Variants in SPAG16 observed in about 807,000 individuals in gnomAD.
SPAG16 encodes the protein sperm associated antigen 16, also known as sperm-associated antigen 16 protein.
SPAG16 carries 86 observed loss-of-function variants against 80.4 expected under a neutral mutation model. That is an observed-to-expected ratio of 1.07 (90% CI 0.90 to 1.28). SPAG16 has a LOEUF of 1.28. Ranked by LOEUF, SPAG16 falls within the 50% of genes most tolerant of loss-of-function variation. The pLI, the probability that SPAG16 is intolerant of heterozygous loss-of-function variation, is 0.00. For synonymous variants in SPAG16, 294 were observed against 265.9 expected, an observed-to-expected ratio of 1.11 and a Z score of -1.03; for missense variants, 870 against 765.3, an observed-to-expected ratio of 1.14 and a Z score of -1.61.
At position 213,797,195 on chromosome 2, in the gene SPAG16, A is replaced by G. The variant is rs116811054; in HGVS notation, c.1071-65290A>G. On this transcript the variant is annotated intron_variant, in intron 10 of 15. Transcript: ENST00000331683. ...TAAAAAATTAAACAGTTTATAAAGT[A>G]AAAATGTTACAGTAAGCTAAGGTTA... 8.9e-3 allele frequency among the ~76,000 whole-genome samples: 1,355 copies of G among 152,318 alleles called. 18 individuals carry two copies. The highest frequency in any genetic ancestry group is 0.031 in the African/African-American group (1,300 of 41,560).
At chr2:213,436,196 C>T (rs1042647837) in intron 9 of SPAG16, among the ~76,000 whole-genome samples, 12 of 152,048 alleles carry the variant, frequency 7.9e-5, no homozygotes, top group African/African-American at 2.9e-4. Flanking sequence ...CTTCTTCATC[C>T]GTGGTGTGTA....
chr2:214,110,873 C>G (rs966450669), intron 14 of SPAG16, among the ~76,000 whole-genome samples: 3 of 152,160 alleles, frequency 2.0e-5, no homozygotes, highest in Non-Finnish European at 4.4e-5. Flanking sequence ...TTGCATTTCT[C>G]TGATGGCCAG....
At position 213,382,577 on chromosome 2, in the gene SPAG16, G is replaced by T. The variant is rs148341948; in HGVS notation, c.942+7458G>T. 5.4e-3 allele frequency among the ~76,000 whole-genome samples: 828 copies of T among 152,294 alleles called. 8 individuals are homozygous for T. Among genetic ancestry groups the T allele is most frequent in the African/African-American group, 0.019 (778 of 41,564 alleles). Reference sequence around the variant, plus strand: ...AATTGTCTTATATCCTGGACATGTTGTAAACTTTTTGGGGTCCAAACATCA... The same window carrying T: ...AATTGTCTTATATCCTGGACATGTTTTAAACTTTTTGGGGTCCAAACATCA... On this transcript the variant is annotated intron_variant, in intron 9 of 15. Transcript: ENST00000331683.
intron 10 of SPAG16, among the ~76,000 whole-genome samples, chr2:213,640,967 G>A: frequency 6.6e-6 from 1 of 152,082 alleles, no homozygotes; most frequent in East Asian, 1.9e-4. Flanking sequence ...AAGTATTTGG[G>A]TTTCTCTGGT....
Position 213,802,869 on chromosome 2 carries a change from A to G in SPAG16, c.1071-59616A>G, listed in dbSNP as rs547444686. On this transcript the variant is annotated intron_variant, in intron 10 of 15. Coordinates refer to ENST00000331683, the MANE Select transcript of SPAG16 (RefSeq NM_024532.5). Reference sequence around the variant, plus strand: ...TTCCAGAAAAAAAAAGTAGACTAAAATTGCAAAATAGAAGAAAATATAGAA... The same window carrying G: ...TTCCAGAAAAAAAAAGTAGACTAAAGTTGCAAAATAGAAGAAAATATAGAA... Among the ~76,000 whole-genome samples, 144 of 152,242 alleles carry G rather than the reference A, an allele frequency of 9.5e-4. 1 individual carries two copies. Among genetic ancestry groups the G allele is most frequent in the African/African-American group, 3.3e-3 (137 of 41,550 alleles).
intron 10 of SPAG16, among the ~76,000 whole-genome samples, chr2:213,639,575 C>T (rs767041115): frequency 2.0e-5 from 3 of 152,090 alleles, no homozygotes; most frequent in Non-Finnish European, 4.4e-5. Context: ...GGATCCCATC[C>T]CTGCTAGCTT....
intron 10 of SPAG16, among the ~76,000 whole-genome samples, chr2:213,690,631 G>A (rs1419192159): frequency 6.6e-6 from 1 of 152,180 alleles, no homozygotes; most frequent in East Asian, 1.9e-4. Flanking sequence ...AATGTGGGTG[G>A]CACCAACCAT....
intron 10 of SPAG16, among the ~76,000 whole-genome samples, chr2:213,833,764 A>G (rs1166741428): frequency 6.8e-6 from 1 of 147,928 alleles, no homozygotes; most frequent in Admixed American, 7.0e-5. Flanking sequence ...ACTTCTATAT[A>G]CATCTCCCAT....
rs535632377 is a variant in SPAG16, at chr2:213,908,067, C to A, written c.1215-21893C>A. On this transcript the variant is annotated intron_variant, in intron 11 of 15. Transcript: ENST00000331683. The stretch of plus-strand genomic sequence containing the variant: ...CTTGACGTGGTGAATATGCTAATTA[C>A]CCTGATTTGCTCACTTACTGTATAC... Among the ~76,000 whole-genome samples the A allele has an allele frequency of 1.7e-3, 252 of 152,234 alleles. 2 individuals are homozygous for A. Among genetic ancestry groups the A allele is most frequent in the African/African-American group, 5.9e-3 (246 of 41,566 alleles).
intron 12 of SPAG16, among the ~76,000 whole-genome samples, chr2:213,938,864 G>GT (rs35950921): frequency 0.22 from 32,582 of 150,878 alleles, 4,477 homozygotes; most frequent in East Asian, 0.44. Flanking sequence ...TAAAGATGAG[G>GT]TTTTTTTTTC....
In SPAG16 at chr2:214,059,096, G is replaced by A. The variant is rs140644068; in HGVS notation, c.1527+45019G>A. 3.0e-3 allele frequency among the ~76,000 whole-genome samples: 454 copies of A among 150,836 alleles called. 11 individuals carry two copies. The East Asian group carries it at 0.05, about 17-fold the overall frequency. Reference sequence around the variant, plus strand: ...GGAGGCTGAGGCAAGAGAATCTCTTGAACCCAGGAGGCAGAGGTTGCAGTG... The same window carrying A: ...GGAGGCTGAGGCAAGAGAATCTCTTAAACCCAGGAGGCAGAGGTTGCAGTG... On this transcript the variant is annotated intron_variant, in intron 13 of 15. Transcript: ENST00000331683.
intron 10 of SPAG16, among the ~76,000 whole-genome samples, chr2:213,541,339 C>T (rs974541992): frequency 6.6e-6 from 1 of 152,126 alleles, no homozygotes; most frequent in African/African-American, 2.4e-5. Context: ...ACATCTTGGG[C>T]CATGCACGGT....
intron 14 of SPAG16, among the ~76,000 whole-genome samples, chr2:214,143,582 T>C (rs2055482769): frequency 6.6e-6 from 1 of 152,190 alleles, no homozygotes; most frequent in African/African-American, 2.4e-5. Context: ...AACATTTTTT[T>C]CTGAGTTTTA....
intron 4 of SPAG16, among the ~76,000 whole-genome samples, chr2:213,314,373 T>A (rs2063319182): frequency 6.6e-6 from 1 of 150,734 alleles, no homozygotes; most frequent in African/African-American, 2.4e-5. Flanking sequence ...GAAGAAAAAA[T>A]AAAAAGTCAG....
intron 10 of SPAG16, among the ~76,000 whole-genome samples, chr2:213,615,313 CT>C (rs1238156986): frequency 7.2e-5 from 11 of 152,204 alleles, no homozygotes; most frequent in African/African-American, 1.9e-4. Flanking sequence ...AAACTTTAGG[CT>C]GGGTACGGTG....
chr2:213,970,733 A>G (rs1314709432), intron 12 of SPAG16, among the ~76,000 whole-genome samples: 1 of 152,236 alleles, frequency 6.6e-6, no homozygotes, highest in Non-Finnish European at 1.5e-5. Flanking sequence ...TTCCAAGGAT[A>G]TGCATGAACA....
rs570302279 is a variant in SPAG16 at position 214,309,313 on chromosome 2, C to T, written c.1721-100827C>T. On this transcript the variant is annotated intron_variant, in intron 15 of 15. Transcript: ENST00000331683. ...GTTTTATCATTATTTTTAGCTTCCT[C>T]GCACTGGGTTACAATGTACTCCTAT... Among the ~76,000 whole-genome samples, 12 of 152,258 alleles carry T rather than the reference C, an allele frequency of 7.9e-5. No homozygotes were observed. The East Asian group carries it at 1.9e-3, about 24-fold the overall frequency.
intron 10 of SPAG16, among the ~76,000 whole-genome samples, chr2:213,590,696 T>C (rs1221538377): frequency 6.6e-6 from 1 of 152,164 alleles, no homozygotes; most frequent in African/African-American, 2.4e-5. Flanking sequence ...TTATGTGCTG[T>C]TGGTGGGAAT....
At chr2:214,037,250 T>G (rs2048745242) in intron 13 of SPAG16, among the ~76,000 whole-genome samples, 2 of 151,982 alleles carry the variant, frequency 1.3e-5, no homozygotes, top group South Asian at 4.1e-4. Flanking sequence ...TTTTTATTAT[T>G]CCTTGTTTAG....
Sources: allele counts gnomAD v4.1 joint callset (sites outside exome capture counted in the v4.1 genomes callset), GRCh38; gene constraint gnomAD v4.1.1; transcripts MANE v1.5; gene names NCBI Gene and HGNC (gene_info 2026-07-23, HGNC 2026-07-21).